The following DSCAML1 variants were observed in gnomAD, a reference collection of about 807,000 sequenced individuals.
The protein encoded by DSCAML1 is cell adhesion molecule DSCAML1.
DSCAML1 carries 38 observed loss-of-function variants against 200.5 expected under a neutral mutation model. That is an observed-to-expected ratio of 0.19 (90% CI 0.15 to 0.25). The LOEUF (loss-of-function observed/expected upper bound fraction) is 0.25. DSCAML1 is among the 10% of genes least tolerant of loss of function. The pLI is 1.00. For missense variants in DSCAML1, 2,223 were observed against 2,858.8 expected, an observed-to-expected ratio of 0.78 and a Z score of 5.07; for synonymous variants, 1,215 against 1,165.0, an observed-to-expected ratio of 1.04 and a Z score of -0.87.
At chr11:117,807,148 C>T (rs1306036956) in intron 1 of DSCAML1, among the ~76,000 whole-genome samples, 1 of 152,224 alleles carries the variant, frequency 6.6e-6, no homozygotes, top group African/African-American at 2.4e-5. Flanking sequence ...ACAGGCTCAG[C>T]GGGTAGCCTG....
chr11:117,499,521 T>C lies in DSCAML1; in HGVS notation c.2359+4324A>G, dbSNP rs2049356452. ...ACCCAGCCTTTTTACTCTGTGATCC[T>C]TCTACCAAACCATCAGTCCGTAGAA... On this transcript the variant is annotated intron_variant, in intron 11 of 32. Transcript: ENST00000651296. 3.9e-5 allele frequency among the ~76,000 whole-genome samples: 6 copies of C among 152,294 alleles called. 1 individual carries two copies. The South Asian group carries it at 1.2e-3, about 32-fold the overall frequency.
intron 3 of DSCAML1, among the ~76,000 whole-genome samples, chr11:117,571,233 T>A (rs1019332258): frequency 1.3e-5 from 2 of 152,162 alleles, no homozygotes; most frequent in Non-Finnish European, 2.9e-5. Context: ...AGCAGAGGAT[T>A]TGAGAGCAGC....
chr11:117,761,415 C>T (rs1338099294), intron 3 of DSCAML1, among the ~76,000 whole-genome samples: 2 of 152,238 alleles, frequency 1.3e-5, no homozygotes, highest in Admixed American at 6.5e-5. Context: ...CAGTGGAAGA[C>T]CCTGGAACCA....
chr11:117,541,353 T>C (rs963006284), intron 3 of DSCAML1, among the ~76,000 whole-genome samples: 2 of 152,244 alleles, frequency 1.3e-5, no homozygotes, highest in African/African-American at 4.8e-5. Context: ...GAAGTTATTT[T>C]GGTTCACCCT....
chr11:117,560,753 C>T (rs934193671), intron 3 of DSCAML1, among the ~76,000 whole-genome samples: 10 of 152,206 alleles, frequency 6.6e-5, no homozygotes, highest in Non-Finnish European at 1.3e-4. Flanking sequence ...CCTGCCCATC[C>T]CTGTTTTAGG....
intron 3 of DSCAML1, among the ~76,000 whole-genome samples, chr11:117,748,823 A>T (rs7924968): frequency 0.84 from 127,529 of 152,126 alleles, 55,616 homozygotes; most frequent in Non-Finnish European, 0.95. Flanking sequence ...CCCACGTCCA[A>T]CAGGAGTGGC....
intron 3 of DSCAML1, among the ~76,000 whole-genome samples, chr11:117,665,656 C>A (rs1428771306): frequency 6.6e-6 from 1 of 152,124 alleles, no homozygotes; most frequent in African/African-American, 2.4e-5. Flanking sequence ...AGACTGGGCC[C>A]AGAGATAGTA....
At chr11:117,510,778 T>C (rs1036348488) in intron 8 of DSCAML1, among the ~76,000 whole-genome samples, 4 of 152,206 alleles carry the variant, frequency 2.6e-5, no homozygotes, top group Admixed American at 6.5e-5. Flanking sequence ...TCGTGGTCAT[T>C]ATCCTCATCA....
intron 3 of DSCAML1, among the ~76,000 whole-genome samples, chr11:117,574,625 T>G (rs567067477): frequency 6.6e-6 from 1 of 152,226 alleles, no homozygotes; most frequent in Non-Finnish European, 1.5e-5. Flanking sequence ...CAGCTCCAAG[T>G]GTGTGGGCCC....
intron 3 of DSCAML1, among the ~76,000 whole-genome samples, chr11:117,769,597 T>A (rs1460489897): frequency 7.4e-6 from 1 of 134,320 alleles, no homozygotes; most frequent in Admixed American, 9.2e-5. Context: ...ATATATAGTA[T>A]GTTAATTCTT....
chr11:117,625,161 T>C (rs193037736), intron 3 of DSCAML1, among the ~76,000 whole-genome samples: 41 of 152,044 alleles, frequency 2.7e-4, no homozygotes, highest in African/African-American at 8.4e-4. Context: ...CAGACACATG[T>C]ATTCTCTGTG....
In DSCAML1 at chr11:117,480,293, A is replaced by G. The variant is rs2048885105; in HGVS notation, c.2785+150T>C. The G allele has an allele frequency of 8.0e-7, 1 of 1,247,794 alleles. No homozygotes were observed. Among genetic ancestry groups the G allele is most frequent in the East Asian group, 2.6e-5 (1 of 38,282 alleles). 77.3% of individuals were successfully genotyped at this position (1,247,794 alleles called of 1,614,324 possible). ...CAGTGTCCCTCCCTTCAGAAGCCACAGCTGCTTGTGCACTGGTGGGTGCTT... is the reference window on the plus strand; with the variant it reads ...CAGTGTCCCTCCCTTCAGAAGCCACGGCTGCTTGTGCACTGGTGGGTGCTT... On this transcript the variant is annotated intron_variant, in intron 14 of 32. Coordinates refer to ENST00000651296, the MANE Select transcript of DSCAML1 (RefSeq NM_020693.4). This position sits in a 1 kb window ranked among gnomAD's most constrained non-coding sequence, Gnocchi z 4.1.
At chr11:117,461,669 C>T (rs2048486474) in intron 17 of DSCAML1, 73 bp from the exon 18 acceptor site, 1 of 1,488,340 alleles carries the variant, frequency 6.7e-7, no homozygotes, top group Non-Finnish European at 9.1e-7. Context: ...AATTGTGTCC[C>T]AGGCTGGGTC....
chr11:117,758,528 A>G (rs2054738622), intron 3 of DSCAML1, among the ~76,000 whole-genome samples: 1 of 151,592 alleles, frequency 6.6e-6, no homozygotes, highest in Admixed American at 6.6e-5. Context: ...CAGCCTCCCG[A>G]GTAGCTGGGA....
Position 117,594,884 on chromosome 11 carries a change from T to C in DSCAML1, c.512-62362A>G, listed in dbSNP as rs75233116. Among the ~76,000 whole-genome samples the C allele has an allele frequency of 8.5e-3, 1,293 of 152,354 alleles. 21 individuals carry two copies. The highest frequency in any genetic ancestry group is 0.03 in the African/African-American group (1,228 of 41,576). ...ATTATTCACTTCTCCTGTCATCCTT[T>C]GCCCTTTGGCAGTTTCTGTGGTGGG... On this transcript the variant is annotated intron_variant, in intron 3 of 32. Transcript: ENST00000651296.
At chr11:117,751,801 C>A (rs1000445007) in intron 3 of DSCAML1, among the ~76,000 whole-genome samples, 1 of 152,130 alleles carries the variant, frequency 6.6e-6, no homozygotes, top group Non-Finnish European at 1.5e-5. Flanking sequence ...GACCCAGGGC[C>A]TTGGCTTTAC....
chr11:117,608,589 G>A (rs1357263311), intron 3 of DSCAML1, among the ~76,000 whole-genome samples: 1 of 152,178 alleles, frequency 6.6e-6, no homozygotes, highest in African/African-American at 2.4e-5. Flanking sequence ...CATGTAGGGT[G>A]CCCATGAGAT....
chr11:117,715,452 C>T (rs1459697403), intron 3 of DSCAML1, among the ~76,000 whole-genome samples: 1 of 152,200 alleles, frequency 6.6e-6, no homozygotes, highest in African/African-American at 2.4e-5. Context: ...TTTGACCATT[C>T]TCTTTTACAA....
intron 3 of DSCAML1, among the ~76,000 whole-genome samples, chr11:117,762,328 G>A (rs1280280450): frequency 6.6e-6 from 1 of 152,006 alleles, no homozygotes. Context: ...AAAACACTCT[G>A]TCTTTAAAAT....
Sources: allele counts gnomAD v4.1 joint callset (sites outside exome capture counted in the v4.1 genomes callset), GRCh38; gene constraint gnomAD v4.1.1; non-coding constraint Gnocchi (gnomAD v3.1); transcripts MANE v1.5; gene names NCBI Gene and HGNC (gene_info 2026-07-23, HGNC 2026-07-21).